CADPS: variants seen among roughly 807,000 people sequenced by gnomAD.
The protein encoded by CADPS is calcium-dependent secretion activator 1.
A neutral mutation model predicts 167.3 loss-of-function variants in CADPS; 57 were observed. The observed-to-expected ratio is 0.34, with a 90% CI of 0.28 to 0.42. The LOEUF (loss-of-function observed/expected upper bound fraction) is 0.42, where lower values mean the gene tolerates loss of function less well. Ranked by LOEUF, CADPS falls within the 20% of genes least tolerant of loss-of-function variation. The pLI is 1.00. For missense variants in CADPS, 1,414 were observed against 1,738.1 expected, an observed-to-expected ratio of 0.81 and a Z score of 3.32; for synonymous variants, 676 against 635.3, an observed-to-expected ratio of 1.06 and a Z score of -0.96.
intron 6 of CADPS, among the ~76,000 whole-genome samples, chr3:62,632,903 A>C (rs1055561924): frequency 2.6e-5 from 4 of 152,142 alleles, no homozygotes; most frequent in Admixed American, 2.0e-4. Flanking sequence ...ATGGGAATAA[A>C]ACGGCCAGCT....
intron 13 of CADPS, among the ~76,000 whole-genome samples, chr3:62,521,987 C>A (rs935351015): frequency 6.6e-6 from 1 of 152,156 alleles, no homozygotes; most frequent in Non-Finnish European, 1.5e-5. Flanking sequence ...AATAAACAGA[C>A]GGAATTTGCT....
At chr3:62,598,785 T>C (rs1210013762) in intron 6 of CADPS, among the ~76,000 whole-genome samples, 1 of 152,216 alleles carries the variant, frequency 6.6e-6, no homozygotes, top group African/African-American at 2.4e-5. Flanking sequence ...CCTCCCTTGC[T>C]CATTCCATCA....
At chr3:62,656,249 A>T (rs1457445467) in intron 4 of CADPS, among the ~76,000 whole-genome samples, 2 of 152,258 alleles carry the variant, frequency 1.3e-5, no homozygotes, top group East Asian at 3.9e-4. Flanking sequence ...ACTAATAATG[A>T]TGGTGCCTAT....
chr3:62,653,843 C>G (rs1275808136), intron 4 of CADPS, among the ~76,000 whole-genome samples: 1 of 152,078 alleles, frequency 6.6e-6, no homozygotes, highest in Admixed American at 6.6e-5. Context: ...CGCAACGTCA[C>G]AGTACCAGTT....
chr3:62,530,760 C>T, intron 13 of CADPS: 1 of 1,288,558 alleles, frequency 7.8e-7, no homozygotes, highest in Non-Finnish European at 1.0e-6. Flanking sequence ...GTTTTGCTCC[C>T]TTCAGGGTCT....
At chr3:62,629,585 G>A (rs1352771443) in intron 6 of CADPS, among the ~76,000 whole-genome samples, 4 of 152,166 alleles carry the variant, frequency 2.6e-5, no homozygotes, top group Non-Finnish European at 4.4e-5. Flanking sequence ...CTGCAATCCA[G>A]TTCCCACAAA....
rs1346053261 is a variant in CADPS, at chr3:62,648,904, T to C, written c.1203+1943A>G. 5.3e-5 allele frequency among the ~76,000 whole-genome samples: 8 copies of C among 151,970 alleles called. No homozygotes were observed. The South Asian group carries it at 8.3e-4, about 16-fold the overall frequency. On this transcript the variant is annotated intron_variant, in intron 5 of 29. Coordinates refer to ENST00000383710, the MANE Select transcript of CADPS (RefSeq NM_003716.4). Reference sequence around the variant, plus strand: ...TTTAAAAAAGAAAGTTTCTGTGAAATTACACGGATGATTTTTTCACACACT... The same window carrying C: ...TTTAAAAAAGAAAGTTTCTGTGAAACTACACGGATGATTTTTTCACACACT...
chr3:62,618,434 A>ACTGCAAGCCTCAG (rs1477682450), intron 6 of CADPS, among the ~76,000 whole-genome samples: 1 of 152,144 alleles, frequency 6.6e-6, no homozygotes, highest in Non-Finnish European at 1.5e-5. Flanking sequence ...TATCATTGGG[A>ACTGCAAGCCTCAG]CTGCAAGCCT....
At chr3:62,427,989 C>G (rs1008053916) in intron 28 of CADPS, among the ~76,000 whole-genome samples, 1 of 152,208 alleles carries the variant, frequency 6.6e-6, no homozygotes, top group African/African-American at 2.4e-5. Flanking sequence ...GTTGGTATAA[C>G]TGGCTTTAGT....
At chr3:62,480,691 T>C (rs890445665) in intron 22 of CADPS, among the ~76,000 whole-genome samples, 4 of 152,228 alleles carry the variant, frequency 2.6e-5, no homozygotes, top group African/African-American at 9.6e-5. Flanking sequence ...CCTTTGATAA[T>C]AACACTTCCC....
intron 3 of CADPS, among the ~76,000 whole-genome samples, chr3:62,701,974 A>G (rs1441487528): frequency 6.6e-6 from 1 of 152,120 alleles, no homozygotes; most frequent in African/African-American, 2.4e-5. Context: ...TAGCTACTCT[A>G]TGTTCAGCTT....
rs895986518 is a variant in CADPS at position 62,601,006 on chromosome 3, G to C, written c.1326-8258C>G. ...GGAGTCCTTGACGGAAGGATATGTA[G>C]GACATAAGCTATTGGATATGTGGTG... On this transcript the variant is annotated intron_variant, in intron 6 of 29. Transcript: ENST00000383710. This position sits in a 1 kb window ranked among gnomAD's most constrained non-coding sequence, Gnocchi z 4.3. 1.3e-4 allele frequency among the ~76,000 whole-genome samples: 20 copies of C among 152,206 alleles called. No individual in the cohort carries two copies. Among genetic ancestry groups the C allele is most frequent in the Middle Eastern group, 6.8e-3 (2 of 294 alleles).
chr3:62,561,906 A>G (rs974239352), intron 9 of CADPS, among the ~76,000 whole-genome samples: 3 of 152,196 alleles, frequency 2.0e-5, no homozygotes, highest in South Asian at 2.1e-4. Context: ...AATTTAGAAA[A>G]GAGTTGTTTA....
intron 6 of CADPS, among the ~76,000 whole-genome samples, chr3:62,616,056 T>C (rs1203157288): frequency 6.6e-6 from 1 of 152,168 alleles, no homozygotes; most frequent in Admixed American, 6.5e-5. Flanking sequence ...GTTTTTCCCC[T>C]TTTCTATCAG....
At chr3:62,625,112 G>A (rs916475980) in intron 6 of CADPS, 1 of 150,184 alleles carries the variant, frequency 6.7e-6, no homozygotes, top group Admixed American at 6.6e-5. Flanking sequence ...TTGTTAGTCT[G>A]AGGCCCCATG....
chr3:62,673,388 A>G (rs931090894), intron 3 of CADPS, among the ~76,000 whole-genome samples: 1 of 152,216 alleles, frequency 6.6e-6, no homozygotes, highest in East Asian at 1.9e-4. Flanking sequence ...GAAAGTGAGT[A>G]TTTAAGTGCA....
intron 18 of CADPS, among the ~76,000 whole-genome samples, chr3:62,495,636 T>G (rs2064586293): frequency 6.6e-6 from 1 of 152,232 alleles, no homozygotes; most frequent in Non-Finnish European, 1.5e-5. Context: ...CACTGTATAT[T>G]TTGCACACAA....
chr3:62,860,998 CTG>C (rs1027356399), intron 1 of CADPS, among the ~76,000 whole-genome samples: 1 of 152,132 alleles, frequency 6.6e-6, no homozygotes, highest in African/African-American at 2.4e-5. Context: ...CTTGGGCACA[CTG>C]AAAGTTTTCT....
chr3:62,674,612 G>T (rs1353244355), intron 3 of CADPS, among the ~76,000 whole-genome samples: 2 of 151,836 alleles, frequency 1.3e-5, no homozygotes, highest in African/African-American at 4.8e-5. Flanking sequence ...AAGAGGAGGT[G>T]GTATTAAAAA....
Sources: gnomAD v4.1 joint callset for allele counts (sites outside exome capture counted in the v4.1 genomes callset) on GRCh38, gnomAD v4.1.1 for gene constraint, Gnocchi (gnomAD v3.1) non-coding constraint, MANE v1.5 for transcripts, NCBI Gene and HGNC (gene_info 2026-07-23, HGNC 2026-07-21) for gene names.